The following CHRAC1 variants were observed in gnomAD, a reference collection of about 807,000 sequenced individuals.
CHRAC1 encodes the protein chromatin accessibility complex subunit 1.
CHRAC1 carries 6 observed loss-of-function variants against 9.1 expected under a neutral mutation model. The ratio of observed to expected loss-of-function variants is 0.66; its 90% CI spans 0.36 to 1.29. CHRAC1 has a LOEUF of 1.29. CHRAC1 is among the 50% of genes most tolerant of loss of function. The pLI is 0.03. For missense variants in CHRAC1, 168 were observed against 163.5 expected, an observed-to-expected ratio of 1.03 and a Z score of -0.15; for synonymous variants, 73 against 64.5, an observed-to-expected ratio of 1.13 and a Z score of -0.63.
At chr8:140,514,312 T>C in intron 1 of CHRAC1, 57 bp from the exon 2 acceptor site, 1 of 1,543,014 alleles carries the variant, frequency 6.5e-7, no homozygotes, top group East Asian at 2.4e-5. Flanking sequence ...TAAAAATTAA[T>C]TTCTGTGGTA....
intron 1 of CHRAC1, chr8:140,512,105 T>G: frequency 4.6e-6 from 5 of 1,078,638 alleles, no homozygotes; most frequent in Non-Finnish European, 6.2e-6. Context: ...CGGCGCTCAG[T>G]TTCCGGCCCT....
At chr8:140,513,227 A>G (rs113815602) in intron 1 of CHRAC1, among the ~76,000 whole-genome samples, 2 of 152,370 alleles carry the variant, frequency 1.3e-5, no homozygotes, top group East Asian at 1.9e-4. Context: ...AAGAACTGGG[A>G]TGCAGGAGGG....
intron 1 of CHRAC1, 95 bp from the exon 2 acceptor site, chr8:140,514,274 C>T (rs1019137466): frequency 1.6e-6 from 2 of 1,284,108 alleles, no homozygotes; most frequent in Admixed American, 5.5e-5. Context: ...TACTTTTAAG[C>T]CTAATTAAGG....
Position 140,514,402 on chromosome 8 carries a change from T to A in CHRAC1, c.181T>A (p.Tyr61Asn), listed in dbSNP as rs758858619. Residue 61 changes from tyrosine (Y) to asparagine (N), a missense_variant, in exon 2 of 3, where the codon TAC becomes AAC. Tyr to Asn is a moderately radical substitution (Grantham distance 143). Coordinates refer to ENST00000220913, the MANE Select transcript of CHRAC1 (RefSeq NM_017444.6). ...TGTTCAATGCCTAGCCACCTATTCC[T>A]ACAGACACGGCAGTGGAAAGGAAAA... ...LFVQCLATYS[Y>N]RHGSGKEKKV... 3 of 1,591,026 alleles carry A rather than the reference T, an allele frequency of 1.9e-6. No individual in the cohort carries two copies. In the South Asian group the frequency reaches 3.5e-5, roughly 19 times the overall value.
chr8:140,511,405 G>A lies in CHRAC1; in HGVS notation c.-95G>A, dbSNP rs2072270977. The stretch of plus-strand genomic sequence containing the variant: ...CACACTACAACTCCCACGGGGCAGC[G>A]GGCGCGGCTCCCCGTACCCACCAGC... On this transcript the variant is annotated 5_prime_UTR_variant, in exon 1 of 3. Coordinates refer to ENST00000220913, the MANE Select transcript of CHRAC1 (RefSeq NM_017444.6). The A allele has an allele frequency of 8.9e-7, 1 of 1,125,768 alleles. No homozygotes were observed. The highest frequency in any genetic ancestry group is 3.2e-5 in the South Asian group (1 of 31,054). 69.7% of individuals were successfully genotyped at this position (1,125,768 alleles called of 1,614,324 possible).
At chr8:140,513,970 G>A (rs1301834297) in intron 1 of CHRAC1, among the ~76,000 whole-genome samples, 2 of 124,158 alleles carry the variant, frequency 1.6e-5, no homozygotes, top group African/African-American at 6.2e-5. Context: ...ACCCAGGCCA[G>A]AGTGCTGCAA....
At position 140,515,576 on chromosome 8, in the gene CHRAC1, G is replaced by A; in HGVS notation, c.*329G>A. ...GCCAATTTTAACTTTTCAATTTACA[G>A]TCGATTTTGAAGAGCTTCTACATAT... On this transcript the variant is annotated 3_prime_UTR_variant, in exon 3 of 3. Transcript: ENST00000220913. The A allele has an allele frequency of 5.3e-6, 1 of 187,402 alleles. No homozygotes were observed. The highest frequency in any genetic ancestry group is 1.1e-5 in the Non-Finnish European group (1 of 91,078). The allele number at this position is 187,402 out of a possible 1,614,324, so 11.6% of individuals were successfully genotyped here.
In CHRAC1 at chr8:140,511,638, A is replaced by C. The variant is rs759369277; in HGVS notation, c.139A>C (p.Lys47Gln). 3.5e-6 allele frequency: 5 copies of C among 1,425,342 alleles called. No homozygotes were observed. The African/African-American group carries it at 7.4e-5, about 21-fold the overall frequency. The allele number at this position is 1,425,342 out of a possible 1,614,324, so 88.3% of individuals were successfully genotyped here. The change falls in exon 1 of 3, where the codon AAG becomes CAG. Residue 47 changes from lysine (K) to glutamine (Q), a missense_variant. Transcript: ENST00000220913. ...CCAGGAGGCGTTGGTGCTCACGGCC[A>C]AGGCCACGGTGAGGGGGCAGGGCGG... ...INQEALVLTA[K>Q]ATELFVQCLA...
At position 140,515,283 on chromosome 8, in the gene CHRAC1, A is replaced by G. The variant is rs544721509; in HGVS notation, c.*36A>G. 4.4e-6 allele frequency: 7 copies of G among 1,602,786 alleles called. No homozygotes were observed. Among genetic ancestry groups the G allele is most frequent in the African/African-American group, 1.3e-5 (1 of 74,344 alleles). ...CTTTAAAAACCAGCCTGGCGAGGAC[A>G]GCCCTGGACCCACTCCACTGTCTCT... On this transcript the variant is annotated 3_prime_UTR_variant, in exon 3 of 3. Transcript: ENST00000220913.
In CHRAC1 at chr8:140,511,607, C is replaced by G; in HGVS notation, c.108C>G (p.Ser36Arg). 1 of 1,473,564 alleles carries G rather than the reference C, an allele frequency of 6.8e-7. No homozygotes were observed. Among genetic ancestry groups the G allele is most frequent in the South Asian group, 1.4e-5 (1 of 71,734 alleles). 91.3% of individuals were successfully genotyped at this position (1,473,564 alleles called of 1,614,324 possible). ...VIMKSSPEVS[S>R]INQEALVLTA... The stretch of plus-strand genomic sequence containing the variant: ...TGAAGAGCTCCCCCGAGGTGTCCAG[C>G]ATCAACCAGGAGGCGTTGGTGCTCA... Residue 36 changes from serine (S) to arginine (R), a missense_variant, in exon 1 of 3, where the codon AGC becomes AGG. Ser to Arg is a moderately radical substitution (Grantham distance 110). Transcript: ENST00000220913.
chr8:140,511,943 G>T (rs1266378941), intron 1 of CHRAC1: 12 of 1,164,300 alleles, frequency 1.0e-5, no homozygotes, highest in Non-Finnish European at 1.3e-5. Context: ...CGCTCCGCCC[G>T]CCCCTTCCTT....
intron 1 of CHRAC1, among the ~76,000 whole-genome samples, chr8:140,513,997 C>A (rs1159259184): frequency 6.7e-6 from 1 of 148,542 alleles, no homozygotes; most frequent in Non-Finnish European, 1.5e-5. Flanking sequence ...ACCTCCACCT[C>A]CCAGGTTCAG....
At position 140,515,379 on chromosome 8, in the gene CHRAC1, C is replaced by T. The variant is rs562228008; in HGVS notation, c.*132C>T. The T allele has an allele frequency of 2.6e-4, 248 of 952,040 alleles. 1 individual carries two copies. The highest frequency in any genetic ancestry group is 3.3e-4 in the Non-Finnish European group (213 of 638,626). 59.0% of individuals were successfully genotyped at this position (952,040 alleles called of 1,614,324 possible). On this transcript the variant is annotated 3_prime_UTR_variant, in exon 3 of 3. Transcript: ENST00000220913. ...AGAGTTCCAGTGTGTGGTATTCTTT[C>T]GAGGTATTCTTTCCAGGCCGAGATT...
rs911452748 is a variant in CHRAC1 at position 140,513,458 on chromosome 8, C to G, written c.148-911C>G. On this transcript the variant is annotated intron_variant, in intron 1 of 2. Transcript: ENST00000220913. ...TATTTTTTTTTCTTTTTTTTTGAGACGGAGTCTCGCTCTGTCGCCCAGGCT... is the reference window on the plus strand; with the variant it reads ...TATTTTTTTTTCTTTTTTTTTGAGAGGGAGTCTCGCTCTGTCGCCCAGGCT... Among the ~76,000 whole-genome samples, 7 of 151,548 alleles carry G rather than the reference C, an allele frequency of 4.6e-5. No individual in the cohort carries two copies. In the East Asian group the frequency reaches 1.4e-3, roughly 29 times the overall value.
chr8:140,511,724 C>G, intron 1 of CHRAC1, 78 bp downstream of exon 1: 2 of 1,193,364 alleles, frequency 1.7e-6, no homozygotes, highest in Non-Finnish European at 2.1e-6. Flanking sequence ...ACTGCCCAGT[C>G]CCCTTAGGCC....
At chr8:140,511,755 T>G in intron 1 of CHRAC1, 109 bp downstream of exon 1, 1 of 1,043,112 alleles carries the variant, frequency 9.6e-7, no homozygotes, top group Non-Finnish European at 1.3e-6. Flanking sequence ...CGGCTGCTCT[T>G]GCCGGGCTCG....
At chr8:140,514,903 G>C (rs1028391472) in intron 2 of CHRAC1, 9 of 452,888 alleles carry the variant, frequency 2.0e-5, no homozygotes, top group Non-Finnish European at 3.2e-5. Flanking sequence ...AGCTCATAGA[G>C]ACACCATGGT....
rs1322265834 is a variant in CHRAC1, at chr8:140,514,356, C to T, written c.148-13C>T. 1 of 1,566,110 alleles carries T rather than the reference C, an allele frequency of 6.4e-7. No homozygotes were observed. On this transcript the variant is annotated splice_polypyrimidine_tract_variant and intron_variant, in intron 1 of 2. Coordinates refer to ENST00000220913, the MANE Select transcript of CHRAC1 (RefSeq NM_017444.6). Reference sequence around the variant, plus strand: ...AAGCACACCTTTCATTTGCATTTTTCATTTTGTTCTAGGAGCTCTTTGTTC... The same window carrying T: ...AAGCACACCTTTCATTTGCATTTTTTATTTTGTTCTAGGAGCTCTTTGTTC...
At chr8:140,511,868 C>T (rs2072279119) in intron 1 of CHRAC1, 1 of 798,494 alleles carries the variant, frequency 1.3e-6, no homozygotes, top group Non-Finnish European at 1.9e-6. Flanking sequence ...TCGCCGCTCC[C>T]TCACGTTCTC....
Sources: allele counts gnomAD v4.1 joint callset (sites outside exome capture counted in the v4.1 genomes callset), GRCh38; gene constraint gnomAD v4.1.1; transcripts MANE v1.5; gene names NCBI Gene and HGNC (gene_info 2026-07-23, HGNC 2026-07-21).